Variants in SV2B observed in about 807,000 individuals in gnomAD.
SV2B encodes the protein synaptic vesicle glycoprotein 2B, also known as solute carrier family 22 member B2.
SV2B carries 41 observed loss-of-function variants against 73.9 expected under a neutral mutation model. The ratio of observed to expected loss-of-function variants is 0.56; its 90% confidence interval spans 0.43 to 0.72. The LOEUF (loss-of-function observed/expected upper bound fraction) is 0.72, where lower values mean the gene tolerates loss of function less well. Among genes scored for constraint, SV2B ranks in the 30% least tolerant of loss-of-function variants. The pLI is 0.00. For missense variants in SV2B, 764 were observed against 857.8 expected (o/e 0.89, Z 1.37); for synonymous variants, 314 against 314.2 (o/e 1.00, Z 0.01).
intron 6 of SV2B, among the ~76,000 whole-genome samples, chr15:91,264,105 C>T (rs1452736285): frequency 6.6e-6 from 1 of 152,260 alleles, no homozygotes; most frequent in Non-Finnish European, 1.5e-5. Flanking sequence ...CAGCTCCTCC[C>T]CACTTGCGTC....
At chr15:91,216,189 G>T (rs1238961143) in intron 1 of SV2B, among the ~76,000 whole-genome samples, 1 of 152,108 alleles carries the variant, frequency 6.6e-6, no homozygotes, top group East Asian at 1.9e-4. Context: ...AATAAGCCCT[G>T]GTATTTTCAG....
Position 91,223,450 on chromosome 15 carries a change from G to A in SV2B, c.-391-2423G>A, listed in dbSNP as rs2046279248. Among the ~76,000 whole-genome samples the A allele has an allele frequency of 6.6e-6, 1 of 152,174 alleles. No individual in the cohort carries two copies. Among genetic ancestry groups the A allele is most frequent in the Admixed American group, 6.5e-5 (1 of 15,280 alleles). ...GAATCAGGTGAGTGGAGTTAGTTTT[G>A]ACGAAGATCCTCTTCTTTCTGCAAA... is the stretch of plus-strand genomic sequence containing the variant. On this transcript the variant is annotated intron_variant, in intron 1 of 12. Coordinates refer to ENST00000394232, the MANE Select transcript of SV2B (RefSeq NM_001323032.3). This position sits in a 1 kb window ranked among gnomAD's most constrained non-coding sequence, Gnocchi z 4.6.
At chr15:91,212,201 G>T (rs1035481261) in intron 1 of SV2B, among the ~76,000 whole-genome samples, 3 of 152,156 alleles carry the variant, frequency 2.0e-5, no homozygotes, top group African/African-American at 7.2e-5. Context: ...TCTTTCCAAA[G>T]AAATATTGCT....
At chr15:91,113,281 A>G (rs2042087563) in intron 1 of SV2B, among the ~76,000 whole-genome samples, 1 of 152,216 alleles carries the variant, frequency 6.6e-6, no homozygotes, top group African/African-American at 2.4e-5. Flanking sequence ...TGATGCGGTG[A>G]GAAAGGTGTG....
At chr15:91,221,785 A>G (rs1255462347) in intron 1 of SV2B, among the ~76,000 whole-genome samples, 1 of 152,086 alleles carries the variant, frequency 6.6e-6, no homozygotes, top group Non-Finnish European at 1.5e-5. Flanking sequence ...ATTAAAAACC[A>G]GGACCACATC....
chr15:91,203,832 C>T (rs1374434324), intron 1 of SV2B, among the ~76,000 whole-genome samples: 1 of 152,142 alleles, frequency 6.6e-6, no homozygotes, highest in African/African-American at 2.4e-5. Context: ...CTGTCTCTCT[C>T]TCTCTCCTCC....
chr15:91,262,284 G>A (rs746434315), intron 6 of SV2B, among the ~76,000 whole-genome samples: 7 of 152,012 alleles, frequency 4.6e-5, no homozygotes, highest in Non-Finnish European at 8.8e-5. Context: ...AACAAAAACC[G>A]GTGCCTGGCT....
chr15:91,194,911 A>T (rs1313419573), intron 1 of SV2B, among the ~76,000 whole-genome samples: 1 of 152,072 alleles, frequency 6.6e-6, no homozygotes, highest in Admixed American at 6.5e-5. Flanking sequence ...GTGTCTAAGA[A>T]TCAGCACATA....
rs1054320260 is a variant in SV2B at position 91,241,435 on chromosome 15, C to T, written c.452-10384C>T. On this transcript the variant is annotated intron_variant, in intron 2 of 12. Transcript: ENST00000394232. The surrounding 1 kb of genome is among the most constrained non-coding windows in gnomAD (Gnocchi z 4.8). ...TCACTAAATTGATGATGCAGAGCCT[C>T]CAGAGGATCCTTTGTGCTGCCAGCC... Among the ~76,000 whole-genome samples the T allele has an allele frequency of 1.4e-4, 22 of 152,304 alleles. No homozygotes were observed. Among genetic ancestry groups the T allele is most frequent in the African/African-American group, 5.1e-4 (21 of 41,572 alleles).
chr15:91,137,377 C>T lies in SV2B; in HGVS notation c.-392+37014C>T, dbSNP rs1486551055. Among the ~76,000 whole-genome samples, 2 of 151,792 alleles carry T rather than the reference C, an allele frequency of 1.3e-5. No homozygotes were observed. The highest frequency in any genetic ancestry group is 2.9e-5 in the Non-Finnish European group (2 of 67,982). On this transcript the variant is annotated intron_variant, in intron 1 of 12. Coordinates refer to ENST00000394232, the MANE Select transcript of SV2B (RefSeq NM_001323032.3). This position sits in a 1 kb window ranked among gnomAD's most constrained non-coding sequence, Gnocchi z 4.9. The stretch of plus-strand genomic sequence containing the variant: ...ATGAGGGTGGCTTCAAAGCGTTTAC[C>T]ACAAAGCTATTATTTATTTTTAACT...
intron 9 of SV2B, among the ~76,000 whole-genome samples, chr15:91,273,943 C>A (rs1596759309): frequency 1.3e-5 from 2 of 152,022 alleles, no homozygotes; most frequent in East Asian, 1.9e-4. Context: ...TTAGATAAAA[C>A]CATATTATAT....
intron 1 of SV2B, among the ~76,000 whole-genome samples, chr15:91,212,955 A>G (rs2045915972): frequency 6.6e-6 from 1 of 151,214 alleles, no homozygotes. Flanking sequence ...AGCCTGGCCA[A>G]CATGGTGAAA....
intron 1 of SV2B, among the ~76,000 whole-genome samples, chr15:91,210,137 A>G (rs1033062320): frequency 2.0e-5 from 3 of 152,002 alleles, no homozygotes; most frequent in African/African-American, 7.2e-5. Context: ...GGAGATAGGA[A>G]TTGGAACACA....
chr15:91,131,463 ATATAT>A (rs1405261090), intron 1 of SV2B, among the ~76,000 whole-genome samples: 4 of 152,068 alleles, frequency 2.6e-5, no homozygotes, highest in African/African-American at 9.7e-5. Context: ...GTGTATATGT[ATATAT>A]TTTACTGTGA....
At chr15:91,203,575 T>C (rs1260672125) in intron 1 of SV2B, among the ~76,000 whole-genome samples, 1 of 152,262 alleles carries the variant, frequency 6.6e-6, no homozygotes, top group Non-Finnish European at 1.5e-5. Flanking sequence ...GTTTTCTAAA[T>C]GTGGCAATCT....
chr15:91,103,489 G>C (rs2041795086), intron 1 of SV2B, among the ~76,000 whole-genome samples: 1 of 152,312 alleles, frequency 6.6e-6, no homozygotes, highest in South Asian at 2.1e-4. Flanking sequence ...GACCTTCAGT[G>C]TACCATGAAA....
rs939531883 is a variant in SV2B, at chr15:91,240,668, C to T, written c.452-11151C>T. On this transcript the variant is annotated intron_variant, in intron 2 of 12. Coordinates refer to ENST00000394232, the MANE Select transcript of SV2B (RefSeq NM_001323032.3). This position sits in a 1 kb window ranked among gnomAD's most constrained non-coding sequence, Gnocchi z 4.6. ...TCCCCAGTACTACCAGCCTTGCCACCAAGATCAGGACTAATTTCATTATGC... is the reference window on the plus strand; with the variant it reads ...TCCCCAGTACTACCAGCCTTGCCACTAAGATCAGGACTAATTTCATTATGC... Among the ~76,000 whole-genome samples the T allele has an allele frequency of 6.6e-6, 1 of 152,192 alleles. No individual in the cohort carries two copies. The highest frequency in any genetic ancestry group is 2.4e-5 in the African/African-American group (1 of 41,452).
chr15:91,151,888 T>C (rs762309761), intron 1 of SV2B, among the ~76,000 whole-genome samples: 14 of 152,126 alleles, frequency 9.2e-5, no homozygotes, highest in Non-Finnish European at 2.1e-4. Context: ...ATTTTAGATA[T>C]CAAGGCTTTT....
intron 2 of SV2B, among the ~76,000 whole-genome samples, chr15:91,230,984 T>C (rs1483204108): frequency 1.3e-5 from 2 of 152,172 alleles, no homozygotes; most frequent in African/African-American, 4.8e-5. Flanking sequence ...TTGCAATTGC[T>C]CTATTAATGA....
Sources: gnomAD v4.1 joint callset for allele counts (sites outside exome capture counted in the v4.1 genomes callset) on GRCh38, gnomAD v4.1.1 for gene constraint, Gnocchi (gnomAD v3.1) non-coding constraint, MANE v1.5 for transcripts, NCBI Gene and HGNC (gene_info 2026-07-23, HGNC 2026-07-21) for gene names.